The following PACS2 variants were observed in gnomAD, a reference collection of about 807,000 sequenced individuals.
PACS2 encodes PACS1-like protein.
PACS2 carries 36 observed loss-of-function variants against 113.0 expected under a neutral mutation model. The observed-to-expected ratio is 0.32, with a 90% CI of 0.24 to 0.42. PACS2 has a LOEUF of 0.42. PACS2 is among the 10% of genes least tolerant of loss of function. The pLI, the probability that PACS2 is intolerant of heterozygous loss-of-function variation, is 1.00. For synonymous variants in PACS2, 589 were observed against 536.1 expected (o/e 1.10, Z -1.36); for missense variants, 1,015 against 1,239.5 (o/e 0.82, Z 2.72).
chr14:105,345,242 C>G (rs1555402370), intron 1 of PACS2, among the ~76,000 whole-genome samples: 1 of 152,084 alleles, frequency 6.6e-6, no homozygotes, highest in Admixed American at 6.6e-5. Context: ...CCCGTCTCCA[C>G]TAAAAATACA....
chr14:105,301,539 C>T (rs1377038231), intron 1 of PACS2, among the ~76,000 whole-genome samples: 1 of 152,154 alleles, frequency 6.6e-6, no homozygotes, highest in Non-Finnish European at 1.5e-5. Flanking sequence ...CGCTGGGGGG[C>T]CTGGCCGCAG....
rs2060395068 is a variant in PACS2 at position 105,355,341 on chromosome 14, G to A, written c.423+164G>A. Among the ~76,000 whole-genome samples, 1 of 152,262 alleles carries A rather than the reference G, an allele frequency of 6.6e-6. No individual in the cohort carries two copies. Among genetic ancestry groups the A allele is most frequent in the Non-Finnish European group, 1.5e-5 (1 of 68,046 alleles). The stretch of plus-strand genomic sequence containing the variant: ...CCGGGCTCCGCCATAAGGGCCAGGT[G>A]CGGCCCCAGGTGGTGCTTCCTCTCT... On this transcript the variant is annotated intron_variant, in intron 4 of 24. Coordinates refer to ENST00000447393, the MANE Select transcript of PACS2 (RefSeq NM_001100913.3). The surrounding 1 kb of genome is among the most constrained non-coding windows in gnomAD (Gnocchi z 4.1).
At chr14:105,380,054 G>T in intron 10 of PACS2, 26 bp from the exon 11 acceptor site, 1 of 1,548,158 alleles carries the variant, frequency 6.5e-7, no homozygotes, top group South Asian at 1.2e-5. Flanking sequence ...TTGAGCACAA[G>T]CTGATTCCCA....
intron 1 of PACS2, among the ~76,000 whole-genome samples, chr14:105,302,383 A>C: frequency 6.6e-6 from 1 of 151,042 alleles, no homozygotes; most frequent in Non-Finnish European, 1.5e-5. Flanking sequence ...TTGTATTTTT[A>C]GTAGAGACGG....
chr14:105,369,762 C>T, intron 7 of PACS2, 79 bp from the exon 8 acceptor site: 2 of 1,299,454 alleles, frequency 1.5e-6, no homozygotes, highest in Non-Finnish European at 2.1e-6. Flanking sequence ...CTGGGTGCGG[C>T]CTGGGCCTGA....
intron 21 of PACS2, 35 bp downstream of exon 21, chr14:105,391,284 C>T (rs1454159707): frequency 1.9e-6 from 3 of 1,556,818 alleles, no homozygotes; most frequent in Non-Finnish European, 2.7e-6. Flanking sequence ...TTGTGAGTGG[C>T]CCGTGGGTGG....
At position 105,389,922 on chromosome 14, in the gene PACS2, C is replaced by T; in HGVS notation, c.2034-39C>T. Reference sequence around the variant, plus strand: ...GCTGTGCCCACCAGGCGGGGCTGTGCCCTGAGGAGAGCTTAACTGTCTGTT... The same window carrying T: ...GCTGTGCCCACCAGGCGGGGCTGTGTCCTGAGGAGAGCTTAACTGTCTGTT... On this transcript the variant is annotated intron_variant, in intron 19 of 24. Coordinates refer to ENST00000447393, the MANE Select transcript of PACS2 (RefSeq NM_001100913.3). 6 of 1,588,114 alleles carry T rather than the reference C, an allele frequency of 3.8e-6. 1 individual carries two copies. The highest frequency in any genetic ancestry group is 5.2e-6 in the Non-Finnish European group (6 of 1,156,614).
chr14:105,359,328 AT>A (rs1367523299), intron 4 of PACS2, among the ~76,000 whole-genome samples: 12 of 150,322 alleles, frequency 8.0e-5, no homozygotes, highest in Admixed American at 7.3e-4. Flanking sequence ...TTATTTTTAA[AT>A]TTTTTTCGTG....
chr14:105,332,740 C>A (rs1226117646), intron 1 of PACS2, among the ~76,000 whole-genome samples: 1 of 152,172 alleles, frequency 6.6e-6, no homozygotes, highest in African/African-American at 2.4e-5. Flanking sequence ...GTCTGAGTCC[C>A]CCGCAGGACA....
chr14:105,352,481 C>T lies in PACS2; in HGVS notation c.297+14C>T, dbSNP rs369015540. The T allele has an allele frequency of 1.1e-4, 167 of 1,545,176 alleles. No homozygotes were observed. Among genetic ancestry groups the T allele is most frequent in the Non-Finnish European group, 1.3e-4 (147 of 1,118,172 alleles). On this transcript the variant is annotated intron_variant, in intron 3 of 24. Coordinates refer to ENST00000447393, the MANE Select transcript of PACS2 (RefSeq NM_001100913.3). The stretch of plus-strand genomic sequence containing the variant: ...TTCTCCTTGCAGGTGAGTCTTTCAC[C>T]AGTGGTGACGACACCCTCATCACTG...
chr14:105,342,230 C>CTGTGTGTGTGTGTGTGTG (rs373390359), intron 1 of PACS2, among the ~76,000 whole-genome samples: 1 of 140,248 alleles, frequency 7.1e-6, no homozygotes, highest in African/African-American at 2.6e-5. Flanking sequence ...AAGCTGCTGC[C>CTGTGTGTGTGTGTGTGTG]TGTGTGTGTG....
intron 1 of PACS2, among the ~76,000 whole-genome samples, chr14:105,342,232 G>GTGTGTA (rs782766132): frequency 1.9e-4 from 23 of 119,758 alleles, no homozygotes; most frequent in African/African-American, 7.5e-4. Flanking sequence ...GCTGCTGCCT[G>GTGTGTA]TGTGTGTGTG....
intron 17 of PACS2, 104 bp downstream of exon 17, chr14:105,384,567 C>T (rs1450521499): frequency 8.4e-6 from 6 of 717,962 alleles, no homozygotes; most frequent in Non-Finnish European, 1.4e-5. Flanking sequence ...CAGGCTCAGC[C>T]TCAGGGAAGA....
intron 4 of PACS2, 134 bp from the exon 5 acceptor site, chr14:105,367,079 T>TGTGGCTGCCC: frequency 1.3e-6 from 1 of 742,570 alleles, no homozygotes; most frequent in Non-Finnish European, 2.2e-6. Context: ...CTCCCTGCCC[T>TGTGGCTGCCC]GTGGCTGCCC....
rs1353332808 is a variant in PACS2, at chr14:105,315,700, G to A, written c.119+663G>A. On this transcript the variant is annotated intron_variant, in intron 1 of 24. Coordinates refer to ENST00000447393, the MANE Select transcript of PACS2 (RefSeq NM_001100913.3). This position sits in a 1 kb window ranked among gnomAD's most constrained non-coding sequence, Gnocchi z 4.4. ...TCGCCCAGCGGTAACGATTGGACAG[G>A]GTTTACCCTCCGGCCATAGCCCAGC... 6.6e-6 allele frequency: 1 copy of A among 152,300 alleles called. No individual in the cohort carries two copies. The highest frequency in any genetic ancestry group is 1.5e-5 in the Non-Finnish European group (1 of 68,074). The allele number at this position is 152,300 out of a possible 1,614,324, so 9.4% of individuals were successfully genotyped here.
chr14:105,393,530 C>G, intron 24 of PACS2, 195 bp downstream of exon 24: 1 of 480,204 alleles, frequency 2.1e-6, no homozygotes, highest in African/African-American at 2.0e-5. Flanking sequence ...AATTTTTTTT[C>G]AACCCTTTTT....
intron 19 of PACS2, among the ~76,000 whole-genome samples, chr14:105,387,788 G>C (rs587661111): frequency 1.3e-5 from 2 of 152,250 alleles, no homozygotes; most frequent in Admixed American, 6.5e-5. Context: ...TGGCTCGGTG[G>C]GGGGGTCTGG....
chr14:105,322,204 G>A (rs587692716), intron 1 of PACS2, among the ~76,000 whole-genome samples: 29 of 151,752 alleles, frequency 1.9e-4, no homozygotes, highest in African/African-American at 6.3e-4. Flanking sequence ...CCAAAGTGCT[G>A]GGATTACAGG....
At chr14:105,385,602 A>G in intron 18 of PACS2, 83 bp from the exon 19 acceptor site, 1 of 903,438 alleles carries the variant, frequency 1.1e-6, no homozygotes, top group South Asian at 1.8e-5. Flanking sequence ...GATGGGAGCC[A>G]CTGAGTGCCC....
Sources: allele counts gnomAD v4.1 joint callset (sites outside exome capture counted in the v4.1 genomes callset), GRCh38; gene constraint gnomAD v4.1.1; non-coding constraint Gnocchi (gnomAD v3.1); transcripts MANE v1.5; gene names NCBI Gene and HGNC (gene_info 2026-07-23, HGNC 2026-07-21).